Variants in SPOPL observed in about 807,000 individuals in gnomAD.
SPOPL encodes speckle type BTB/POZ protein like, also known as speckle-type POZ protein-like.
A neutral mutation model predicts 53.8 loss-of-function variants in SPOPL; 23 were observed. The ratio of observed to expected loss-of-function variants is 0.43; its 90% CI spans 0.31 to 0.61. The LOEUF is 0.61. SPOPL is among the 20% of genes least tolerant of loss of function. The pLI is 0.12. For missense variants in SPOPL, 442 were observed against 466.9 expected (o/e 0.95, Z 0.49); for synonymous variants, 164 against 149.7 (o/e 1.10, Z -0.70).
intron 1 of SPOPL, among the ~76,000 whole-genome samples, chr2:138,536,503 A>C (rs1684939769): frequency 6.6e-6 from 1 of 152,142 alleles, no homozygotes; most frequent in Admixed American, 6.5e-5. Flanking sequence ...ATCTAGTGCT[A>C]ATTGCACTGT....
intron 1 of SPOPL, among the ~76,000 whole-genome samples, chr2:138,515,407 T>C (rs1279272610): frequency 6.6e-6 from 1 of 152,240 alleles, no homozygotes; most frequent in Non-Finnish European, 1.5e-5. Context: ...GAACACTATA[T>C]GAGCAGATCT....
Position 138,550,951 on chromosome 2 carries a change from C to T in SPOPL, c.249C>T (p.Tyr83=), listed in dbSNP as rs1412628582. Residue 83 remains tyrosine (Y), a synonymous_variant, in exon 4 of 11, where the codon TAC becomes TAT. Transcript: ENST00000280098. ...GATTAGATGATGAAAGTAAAGACTA[C>T]TTGTCCTTATATTTGCTTTTAGTCA... is the stretch of plus-strand genomic sequence containing the variant. ...PKGLDDESKD[Y]LSLYLLLVSC... is the part of the protein sequence containing the mutation. The T allele has an allele frequency of 1.2e-6, 2 of 1,613,238 alleles. No homozygotes were observed. Among genetic ancestry groups the T allele is most frequent in the East Asian group, 2.2e-5 (1 of 44,800 alleles).
At chr2:138,549,995 AACTT>A (rs1200331612) in intron 1 of SPOPL, among the ~76,000 whole-genome samples, 158 bp from the exon 2 acceptor site, 2 of 151,990 alleles carry the variant, frequency 1.3e-5, no homozygotes, top group East Asian at 3.9e-4. Flanking sequence ...ATGTTACAAA[AACTT>A]ACTTCTTAAA....
intron 1 of SPOPL, among the ~76,000 whole-genome samples, chr2:138,521,602 A>G (rs571955401): frequency 4.3e-4 from 65 of 152,142 alleles, no homozygotes; most frequent in Non-Finnish European, 8.5e-4. Flanking sequence ...GTGACAAGGC[A>G]GCAGTAAACA....
chr2:138,505,537 A>T (rs912592047), intron 1 of SPOPL, among the ~76,000 whole-genome samples: 2 of 146,790 alleles, frequency 1.4e-5, no homozygotes, highest in South Asian at 2.1e-4. Context: ...TGGGCTTATC[A>T]CTTAAGGTCA....
In SPOPL at chr2:138,522,684, A is replaced by T. The variant is rs74703069; in HGVS notation, c.-61+20565A>T. 6.2e-3 allele frequency among the ~76,000 whole-genome samples: 941 copies of T among 152,130 alleles called. 8 individuals are homozygous for T. The highest frequency in any genetic ancestry group is 0.017 in the Middle Eastern group (5 of 294). Reference sequence around the variant, plus strand: ...CCACCCCCTCTTCTTGCCCCTGCACATTCTTTTCTATAGCAGTGGTGTCCA... The same window carrying T: ...CCACCCCCTCTTCTTGCCCCTGCACTTTCTTTTCTATAGCAGTGGTGTCCA... On this transcript the variant is annotated intron_variant, in intron 1 of 10. Transcript: ENST00000280098.
intron 1 of SPOPL, among the ~76,000 whole-genome samples, chr2:138,510,226 G>A (rs926303158): frequency 2.0e-5 from 3 of 152,168 alleles, no homozygotes; most frequent in Non-Finnish European, 4.4e-5. Flanking sequence ...TCAGCTCTTG[G>A]TAAATACCAA....
At chr2:138,555,757 A>G (rs1685410984) in intron 5 of SPOPL, among the ~76,000 whole-genome samples, 1 of 152,174 alleles carries the variant, frequency 6.6e-6, no homozygotes, top group African/African-American at 2.4e-5. Flanking sequence ...GATCCCTCAA[A>G]TGTTCCTTGT....
intron 1 of SPOPL, among the ~76,000 whole-genome samples, chr2:138,537,405 G>A (rs137911897): frequency 6.6e-6 from 1 of 152,196 alleles, no homozygotes; most frequent in East Asian, 1.9e-4. Context: ...GAACAGTACG[G>A]GGATTTTCAC....
chr2:138,553,016 A>G (rs781066992), intron 5 of SPOPL, among the ~76,000 whole-genome samples: 173 of 152,202 alleles, frequency 1.1e-3, no homozygotes, highest in Middle Eastern at 3.4e-3. Flanking sequence ...TAGATTGTCA[A>G]TTTTTAAAAA....
chr2:138,527,866 C>T (rs1048119746), intron 1 of SPOPL, among the ~76,000 whole-genome samples: 2 of 152,098 alleles, frequency 1.3e-5, no homozygotes, highest in Admixed American at 6.5e-5. Context: ...TGGACACTTT[C>T]GGTACAAGTG....
intron 1 of SPOPL, among the ~76,000 whole-genome samples, chr2:138,502,511 T>G (rs556433264): frequency 6.6e-6 from 1 of 152,196 alleles, no homozygotes; most frequent in Non-Finnish European, 1.5e-5. Flanking sequence ...AGGCAGAAAC[T>G]GCATGCTCTG....
rs147367572 is a variant in SPOPL at position 138,559,575 on chromosome 2, A to G, written c.714+238A>G. 2.5e-3 allele frequency among the ~76,000 whole-genome samples: 382 copies of G among 152,278 alleles called. 3 individuals are homozygous for G. Among genetic ancestry groups the G allele is most frequent in the African/African-American group, 8.5e-3 (354 of 41,572 alleles). On this transcript the variant is annotated intron_variant, in intron 7 of 10. Transcript: ENST00000280098. ...TGCCCTTCTGGTAGGTAAATTGGAT[A>G]GTTGTTATCCAAAAGGATAGTTATC...
At chr2:138,553,789 T>C (rs1430705453) in intron 5 of SPOPL, among the ~76,000 whole-genome samples, 3 of 152,276 alleles carry the variant, frequency 2.0e-5, no homozygotes, top group East Asian at 3.9e-4. Flanking sequence ...ACAAGTCTTA[T>C]CATTAAATAA....
At position 138,569,860 on chromosome 2, in the gene SPOPL, A is replaced by G. The variant is rs1441617822; in HGVS notation, c.*780A>G. On this transcript the variant is annotated 3_prime_UTR_variant, in exon 11 of 11. Transcript: ENST00000280098. The stretch of plus-strand genomic sequence containing the variant: ...TTATACGAAGAATTCTGTACATGTT[A>G]AAAGTAAGGATGACCAAATGCAAAT... 5 of 152,588 alleles carry G rather than the reference A, an allele frequency of 3.3e-5. No individual in the cohort carries two copies. The highest frequency in any genetic ancestry group is 6.6e-5 in the Admixed American group (1 of 15,260). 9.5% of individuals were successfully genotyped at this position (152,588 alleles called of 1,614,324 possible). A position where few individuals can be genotyped will look rare whatever the true frequency, so the allele number is the denominator to read the frequency against.
At chr2:138,557,385 G>T (rs930173464) in intron 5 of SPOPL, among the ~76,000 whole-genome samples, 5 of 152,132 alleles carry the variant, frequency 3.3e-5, no homozygotes, top group Admixed American at 6.6e-5. Flanking sequence ...GAAAAATAAA[G>T]ATTTTCTAGT....
intron 5 of SPOPL, chr2:138,554,522 G>C (rs1485547896): frequency 1.6e-6 from 2 of 1,287,258 alleles, no homozygotes; most frequent in South Asian, 2.5e-5. Context: ...CCCTGCAAGT[G>C]GTGCTGTAGA....
chr2:138,554,667 T>C lies in SPOPL; in HGVS notation c.480+1986T>C, dbSNP rs1357156. 1,764 of 268,522 alleles carry C rather than the reference T, an allele frequency of 6.6e-3. 34 individuals are homozygous for C. Among genetic ancestry groups the C allele is most frequent in the African/African-American group, 0.037 (1,651 of 44,274 alleles). The allele number at this position is 268,522 out of a possible 1,614,324, so 16.6% of individuals were successfully genotyped here. ...AGCTCTGCCCTCTTTCCCAAAGTGA[T>C]GCAGAAAATAGGAATTGAGAAATAA... On this transcript the variant is annotated intron_variant, in intron 5 of 10. Coordinates refer to ENST00000280098, the MANE Select transcript of SPOPL (RefSeq NM_001001664.3).
intron 7 of SPOPL, 47 bp downstream of exon 7, chr2:138,559,384 T>C (rs1238192212): frequency 6.5e-7 from 1 of 1,527,548 alleles, no homozygotes; most frequent in South Asian, 1.2e-5. Context: ...AAACGTAAAG[T>C]AGTTGGGTGT....
Sources: gnomAD v4.1 joint callset for allele counts (sites outside exome capture counted in the v4.1 genomes callset) on GRCh38, gnomAD v4.1.1 for gene constraint, MANE v1.5 for transcripts, NCBI Gene and HGNC (gene_info 2026-07-23, HGNC 2026-07-21) for gene names.